The following INKA2 variants were observed in gnomAD, a reference collection of about 807,000 sequenced individuals.
INKA2 encodes inka box actin regulator 2.
Under a neutral mutation model 9.8 loss-of-function variants are expected in INKA2, and 3 were observed. The ratio of observed to expected loss-of-function variants is 0.31; its 90% CI spans 0.14 to 0.79. The LOEUF (loss-of-function observed/expected upper bound fraction) is 0.79, where lower values mean the gene tolerates loss of function less well. Ranked by LOEUF, INKA2 falls within the 30% of genes least tolerant of loss-of-function variation. The probability of loss-of-function intolerance (pLI) is 0.62; values close to 1 mark genes in which losing one functional copy is unlikely to be tolerated. For synonymous variants in INKA2, 147 were observed against 143.3 expected, an observed-to-expected ratio of 1.03 and a Z score of -0.18; for missense variants, 392 against 384.4, an observed-to-expected ratio of 1.02 and a Z score of -0.17.
At chr1:111,740,971 TAAAAAAAAAA>T (rs869221820), upstream of INKA2, among the ~76,000 whole-genome samples, 23 of 38,404 alleles carry the variant, frequency 6.0e-4, 6 homozygotes, top group African/African-American at 2.7e-3. Context: ...AAACTCCGTT[TAAAAAAAAAA>T]AAAAAAAAAA....
chr1:111,727,702 G>A lies in INKA2; in HGVS notation c.160C>T (p.Gln54Ter). The A allele has an allele frequency of 6.2e-7, 1 of 1,613,898 alleles. No homozygotes were observed. Among genetic ancestry groups the A allele is most frequent in the Non-Finnish European group, 8.5e-7 (1 of 1,179,866 alleles). Residue 54 changes from glutamine (Q) to a stop codon, truncating the protein, a stop_gained, in exon 2 of 2, where the codon CAG becomes TAG. Transcript: ENST00000357260. LOFTEE classifies it low-confidence loss of function (END_TRUNC). Reference protein sequence around the residue: ...KLLQVQTALEQLEISGGGPVP... With the variant: ...KLLQVQTALE Reference sequence around the variant, plus strand: ...GGACCCCCTCCAGAGATCTCCAGCTGTTCCAGTGCTGTCTGCACCTGGAGG... The same window carrying A: ...GGACCCCCTCCAGAGATCTCCAGCTATTCCAGTGCTGTCTGCACCTGGAGG...
At position 111,726,945 on chromosome 1, in the gene INKA2, A is replaced by G. The variant is rs761142215; in HGVS notation, c.*23T>C. 4 of 1,601,148 alleles carry G rather than the reference A, an allele frequency of 2.5e-6. No homozygotes were observed. Among genetic ancestry groups the G allele is most frequent in the Non-Finnish European group, 3.4e-6 (4 of 1,171,982 alleles). On this transcript the variant is annotated 3_prime_UTR_variant, in exon 2 of 2. Coordinates refer to ENST00000357260, the MANE Select transcript of INKA2 (RefSeq NM_019099.5). ...ACTGGGACCTGGCCCTTTCAGGCTC[A>G]GTCAACTTTCTGTCTCTAGGATTCA...
upstream of INKA2, among the ~76,000 whole-genome samples, chr1:111,742,824 G>C (rs1395820378): frequency 6.6e-6 from 1 of 152,230 alleles, no homozygotes; most frequent in Non-Finnish European, 1.5e-5. Context: ...AGACTTTGGA[G>C]GACAATTACT....
At chr1:111,744,288 G>A (rs1663210635), upstream of INKA2, 1 of 152,126 alleles carries the variant, frequency 6.6e-6, no homozygotes, top group African/African-American at 2.4e-5. Flanking sequence ...AAACCCTTTG[G>A]ACTGGGTGGA....
intron 1 of INKA2, chr1:111,746,976 T>C (rs892272219): frequency 4.6e-5 from 7 of 152,234 alleles, no homozygotes; most frequent in African/African-American, 1.7e-4. Flanking sequence ...GTTTAAAAAT[T>C]ACTAACAGTC....
intron 1 of INKA2, among the ~76,000 whole-genome samples, chr1:111,732,657 A>G (rs1460325550): frequency 6.6e-6 from 1 of 152,050 alleles, no homozygotes; most frequent in East Asian, 1.9e-4. Context: ...ATTCCAATGA[A>G]GATTGTGGGA....
chr1:111,754,150 G>A (rs1159999770), intron 1 of INKA2: 1 of 152,214 alleles, frequency 6.6e-6, no homozygotes, highest in Non-Finnish European at 1.5e-5. Context: ...ACTTGTGCTT[G>A]GTAAATTGTT....
intron 1 of INKA2, among the ~76,000 whole-genome samples, chr1:111,738,150 A>C (rs1663046239): frequency 6.6e-6 from 1 of 152,238 alleles, no homozygotes; most frequent in African/African-American, 2.4e-5. Flanking sequence ...CAAGAGAGAC[A>C]AACTAAAAGA....
At chr1:111,735,018 T>C (rs1339937449) in intron 1 of INKA2, among the ~76,000 whole-genome samples, 1 of 152,262 alleles carries the variant, frequency 6.6e-6, no homozygotes, top group Non-Finnish European at 1.5e-5. Flanking sequence ...CCAAGTGACT[T>C]AGCCTTCCCA....
At chr1:111,742,097 G>T (rs1344693531), upstream of INKA2, among the ~76,000 whole-genome samples, 1 of 152,222 alleles carries the variant, frequency 6.6e-6, no homozygotes, top group African/African-American at 2.4e-5. Flanking sequence ...CCACTTGGAA[G>T]TTGGGAGGCT....
chr1:111,726,885 T>C lies in INKA2; in HGVS notation c.*83A>G. Reference sequence around the variant, plus strand: ...CTTGGAGTTGGGCTTTCGAGAGCCATACCGCCCACCCTCCCTCCTCCCCAG... The same window carrying C: ...CTTGGAGTTGGGCTTTCGAGAGCCACACCGCCCACCCTCCCTCCTCCCCAG... On this transcript the variant is annotated 3_prime_UTR_variant, in exon 2 of 2. Transcript: ENST00000357260. 7.2e-7 allele frequency: 1 copy of C among 1,384,440 alleles called. No homozygotes were observed. The highest frequency in any genetic ancestry group is 2.3e-5 in the East Asian group (1 of 43,386). The allele number at this position is 1,384,440 out of a possible 1,614,324, so 85.8% of individuals were successfully genotyped here. A position where few individuals can be genotyped will look rare whatever the true frequency, so the allele number is the denominator to read the frequency against.
Position 111,724,436 on chromosome 1 carries a change from C to G in INKA2, c.*2532G>C, listed in dbSNP as rs905989247. The G allele has an allele frequency of 6.6e-6, 1 of 152,276 alleles. No homozygotes were observed. The highest frequency in any genetic ancestry group is 6.5e-5 in the Admixed American group (1 of 15,276). The allele number at this position is 152,276 out of a possible 1,614,324, so 9.4% of individuals were successfully genotyped here. On this transcript the variant is annotated 3_prime_UTR_variant, in exon 2 of 2. Transcript: ENST00000357260. ...TACCTTGGTTTCCCACAGACTCATTCCAGACTTGGAGCTGGTGTCATCTTG... is the reference window on the plus strand; with the variant it reads ...TACCTTGGTTTCCCACAGACTCATTGCAGACTTGGAGCTGGTGTCATCTTG...
Position 111,727,581 on chromosome 1 carries a change from G to C in INKA2, c.281C>G (p.Ser94Cys). The C allele has an allele frequency of 6.2e-7, 1 of 1,612,344 alleles. No homozygotes were observed. Among genetic ancestry groups the C allele is most frequent in the East Asian group, 2.2e-5 (1 of 44,870 alleles). ...GCTGCTGCCAAGAGAAGGTTGACTG[G>C]AGGGGGAACAGACTGTGGGCCTGGC... ...GPARPTVCSP[S>C]SQPSLGSSTK... Residue 94 changes from serine to cysteine, a missense_variant, in exon 2 of 2, where the codon TCC (serine) becomes TGC (cysteine). Transcript: ENST00000357260.
intron 1 of INKA2, among the ~76,000 whole-genome samples, chr1:111,732,980 G>A (rs868658591): frequency 1.6e-4 from 24 of 152,318 alleles, no homozygotes; most frequent in Middle Eastern, 6.8e-3. Flanking sequence ...CCTGGTGTCA[G>A]CACTAGCCCT....
At position 111,726,450 on chromosome 1, in the gene INKA2, C is replaced by G; in HGVS notation, c.*518G>C. 4.7e-6 allele frequency: 1 copy of G among 211,794 alleles called. No individual in the cohort carries two copies. The highest frequency in any genetic ancestry group is 9.3e-6 in the Non-Finnish European group (1 of 107,272). 13.1% of individuals were successfully genotyped at this position (211,794 alleles called of 1,614,324 possible). On this transcript the variant is annotated 3_prime_UTR_variant, in exon 2 of 2. Transcript: ENST00000357260. Reference sequence around the variant, plus strand: ...CACTGCTGCTCCAGTCCCAGGAGGCCTGGGGTTCAGTCCCTGTGCCTGGAG... The same window carrying G: ...CACTGCTGCTCCAGTCCCAGGAGGCGTGGGGTTCAGTCCCTGTGCCTGGAG...
At chr1:111,729,028 C>T (rs1662850354) in intron 1 of INKA2, among the ~76,000 whole-genome samples, 1 of 151,528 alleles carries the variant, frequency 6.6e-6, no homozygotes, top group Admixed American at 6.6e-5. Flanking sequence ...GTCCTCTGGC[C>T]TTAGCCTCCT....
At chr1:111,731,145 T>G (rs1415856123) in intron 1 of INKA2, among the ~76,000 whole-genome samples, 1 of 152,182 alleles carries the variant, frequency 6.6e-6, no homozygotes, top group Non-Finnish European at 1.5e-5. Context: ...AATGAATGTG[T>G]GGGTATGCAT....
Position 111,751,849 on chromosome 1 carries a change from A to G in INKA2, n.124+3852T>C, listed in dbSNP as rs1482760837. Among the ~76,000 whole-genome samples the G allele has an allele frequency of 3.9e-5, 6 of 152,192 alleles. No individual in the cohort carries two copies. The East Asian group carries it at 9.6e-4, about 24-fold the overall frequency. On this transcript the variant is annotated intron_variant and non_coding_transcript_variant, in intron 1 of 1. Transcript: ENST00000444059. The stretch of plus-strand genomic sequence containing the variant: ...TGGCAGAGACTGTTAGTTGCCTCCA[A>G]TGTCCTTTCCCCCTTCCTCTATAGT...
At chr1:111,728,230 G>A (rs1662836020) in intron 1 of INKA2, among the ~76,000 whole-genome samples, 1 of 151,978 alleles carries the variant, frequency 6.6e-6, no homozygotes, top group Non-Finnish European at 1.5e-5. Flanking sequence ...TTGAGTCTGA[G>A]CGCTCTTCCT....
Sources: gnomAD v4.1 joint callset for allele counts (sites outside exome capture counted in the v4.1 genomes callset) on GRCh38, gnomAD v4.1.1 for gene constraint, MANE v1.5 for transcripts, NCBI Gene and HGNC (gene_info 2026-07-23, HGNC 2026-07-21) for gene names.